Variants in GRIN2B observed in about 807,000 individuals in gnomAD.
GRIN2B encodes the protein glutamate receptor ionotropic, NMDA 2B.
GRIN2B carries 5 observed loss-of-function variants against 114.5 expected under a neutral mutation model. That is an observed-to-expected ratio of 0.04 (90% CI 0.02 to 0.09). The LOEUF is 0.09. Ranked by LOEUF, GRIN2B falls within the 10% of genes least tolerant of loss-of-function variation. GRIN2B has a pLI of 1.00. For synonymous variants in GRIN2B, 787 were observed against 745.1 expected (o/e 1.06, Z -0.92); for missense variants, 1,108 against 1,943.5 (o/e 0.57, Z 8.08).
intron 4 of GRIN2B, among the ~76,000 whole-genome samples, chr12:13,745,312 C>A (rs906864537): frequency 2.6e-5 from 4 of 152,072 alleles, no homozygotes; most frequent in African/African-American, 9.7e-5. Flanking sequence ...GAAGAGAGAG[C>A]AGATGGAGAA....
intron 10 of GRIN2B, among the ~76,000 whole-genome samples, chr12:13,583,837 G>A (rs1222586772): frequency 6.6e-6 from 1 of 152,116 alleles, no homozygotes. Flanking sequence ...ATCCCATGGA[G>A]CACACCGAAT....
At position 13,972,544 on chromosome 12, in the gene GRIN2B, T is replaced by C. The variant is rs111691485; in HGVS notation, c.-19+7384A>G. 3.4e-4 allele frequency among the ~76,000 whole-genome samples: 52 copies of C among 152,272 alleles called. 1 individual carries two copies. Among genetic ancestry groups the C allele is most frequent in the African/African-American group, 1.2e-3 (51 of 41,550 alleles). ...AAGAGAGAACTCCGGACTCTGATGC[T>C]ATGTAGATGAGCAAATGCACACCAC... On this transcript the variant is annotated intron_variant, in intron 2 of 13. Coordinates refer to ENST00000609686, the MANE Select transcript of GRIN2B (RefSeq NM_000834.5).
intron 10 of GRIN2B, among the ~76,000 whole-genome samples, chr12:13,580,588 G>T (rs1948834530): frequency 6.6e-6 from 1 of 152,174 alleles, no homozygotes; most frequent in African/African-American, 2.4e-5. Flanking sequence ...AATGGCTTTG[G>T]GCCTGGGCTA....
chr12:13,613,160 G>A (rs981374729), intron 8 of GRIN2B, among the ~76,000 whole-genome samples: 1 of 152,130 alleles, frequency 6.6e-6, no homozygotes, highest in Non-Finnish European at 1.5e-5. Flanking sequence ...CTCTCCAGAG[G>A]TGTGGAGAAA....
At chr12:13,706,740 T>C (rs1050923943) in intron 4 of GRIN2B, among the ~76,000 whole-genome samples, 3 of 152,098 alleles carry the variant, frequency 2.0e-5, no homozygotes, top group African/African-American at 7.2e-5. Context: ...ACTGTGTGAG[T>C]CCTGTTTGCC....
At position 13,646,356 on chromosome 12, in the gene GRIN2B, G is replaced by T. The variant is rs1949761689; in HGVS notation, c.1125+29389C>A. ...TGTGTCTCCCATATACAGGAATAAA[G>T]GCACTGACATTCCTTTTATGTTTTA... On this transcript the variant is annotated intron_variant, in intron 5 of 13. Transcript: ENST00000609686. 2.0e-5 allele frequency among the ~76,000 whole-genome samples: 3 copies of T among 151,998 alleles called. No homozygotes were observed. The South Asian group carries it at 6.2e-4, about 31-fold the overall frequency.
intron 3 of GRIN2B, among the ~76,000 whole-genome samples, chr12:13,822,954 A>G (rs1344338103): frequency 1.3e-5 from 2 of 152,074 alleles, no homozygotes; most frequent in Non-Finnish European, 2.9e-5. Flanking sequence ...TTCTTTTTCC[A>G]TTAAATTACT....
At chr12:13,592,370 G>T (rs1244912314) in intron 10 of GRIN2B, among the ~76,000 whole-genome samples, 1 of 152,180 alleles carries the variant, frequency 6.6e-6, no homozygotes, top group Non-Finnish European at 1.5e-5. Context: ...GAACCTATCT[G>T]CAGTAGCCTT....
chr12:13,864,856 C>A (rs1287626217), intron 3 of GRIN2B, among the ~76,000 whole-genome samples: 1 of 152,104 alleles, frequency 6.6e-6, no homozygotes, highest in African/African-American at 2.4e-5. Flanking sequence ...ACTCCCGAAG[C>A]CCAGGCCAAT....
chr12:13,925,793 C>T (rs1866901827), intron 2 of GRIN2B, among the ~76,000 whole-genome samples: 1 of 152,128 alleles, frequency 6.6e-6, no homozygotes, highest in South Asian at 2.1e-4. Flanking sequence ...AAAGTCAGCA[C>T]TAATGACCTG....
intron 12 of GRIN2B, among the ~76,000 whole-genome samples, chr12:13,568,452 A>G (rs1948668132): frequency 6.6e-6 from 1 of 152,198 alleles, no homozygotes; most frequent in African/African-American, 2.4e-5. Flanking sequence ...TTTGAGTGAC[A>G]GCTACACTAA....
rs1177255069 is a variant in GRIN2B, at chr12:13,541,739, GT to G, written c.*21043del. On this transcript the variant is annotated 3_prime_UTR_variant, in exon 14 of 14. Transcript: ENST00000609686. ...GGCTGAACCAGCAGCAGCAGTAGTT[GT>G]GATCTCATTCACACCCTGTTCAGGG... 6.6e-6 allele frequency: 1 copy of G among 152,222 alleles called. No individual in the cohort carries two copies. The highest frequency in any genetic ancestry group is 2.4e-5 in the African/African-American group (1 of 41,438). 9.4% of individuals were successfully genotyped at this position (152,222 alleles called of 1,614,324 possible). A position where few individuals can be genotyped will look rare whatever the true frequency, so the allele number is the denominator to read the frequency against.
chr12:13,941,453 T>C (rs2136836259), intron 2 of GRIN2B, among the ~76,000 whole-genome samples: 1 of 152,298 alleles, frequency 6.6e-6, no homozygotes, highest in Non-Finnish European at 1.5e-5. Flanking sequence ...ATCACAATGA[T>C]GCTCTGATTT....
At chr12:13,843,930 T>C (rs140075009) in intron 3 of GRIN2B, among the ~76,000 whole-genome samples, 21 of 152,330 alleles carry the variant, frequency 1.4e-4, no homozygotes, top group African/African-American at 4.6e-4. Context: ...TTAATACCAA[T>C]GTTATCAAAA....
rs758050194 is a variant in GRIN2B at position 13,611,803 on chromosome 12, T to C, written c.1702A>G (p.Ile568Val). The C allele has an allele frequency of 1.9e-6, 3 of 1,613,464 alleles. No homozygotes were observed. The highest frequency in any genetic ancestry group is 1.7e-5 in the Admixed American group (1 of 60,024). The change falls in exon 9 of 14, where the codon ATC (isoleucine) becomes GTC (valine). Residue 568 changes from isoleucine to valine, a missense_variant. Around this residue, in one of 19 missense-constraint regions of GRIN2B, gnomAD observed 24 missense variants for 38.1 expected, o/e 0.63. Coordinates refer to ENST00000609686, the MANE Select transcript of GRIN2B (RefSeq NM_000834.5). ...VWVMMFVMLL[I>V]VSAVAVFVFE... is the part of the protein sequence containing the mutation. ...ACAAAGACAGCCACGGCTGAGACGA[T>C]GAGCAGCATCACAAACATCATCACC...
Position 13,934,405 on chromosome 12 carries a change from G to A in GRIN2B, c.-19+45523C>T, listed in dbSNP as rs547759651. Reference sequence around the variant, plus strand: ...TTATTTCCTTTTCTTCACAAAATTCGTTAATGGTGGGATGTGACAGGCATT... The same window carrying A: ...TTATTTCCTTTTCTTCACAAAATTCATTAATGGTGGGATGTGACAGGCATT... On this transcript the variant is annotated intron_variant, in intron 2 of 13. Coordinates refer to ENST00000609686, the MANE Select transcript of GRIN2B (RefSeq NM_000834.5). Among the ~76,000 whole-genome samples, 35 of 152,266 alleles carry A rather than the reference G, an allele frequency of 2.3e-4. 2 individuals carry two copies. In the South Asian group the frequency reaches 5.4e-3, roughly 23 times the overall value.
At chr12:13,785,484 C>A (rs1218841097) in intron 3 of GRIN2B, among the ~76,000 whole-genome samples, 1 of 152,196 alleles carries the variant, frequency 6.6e-6, no homozygotes, top group Non-Finnish European at 1.5e-5. Context: ...CCCAGCCACC[C>A]CAGTCTGCCT....
At chr12:13,932,952 CGTGTGTGTGTGTGT>C (rs5796568) in intron 2 of GRIN2B, among the ~76,000 whole-genome samples, 2 of 148,696 alleles carry the variant, frequency 1.3e-5, no homozygotes, top group African/African-American at 5.0e-5. Context: ...AGGGCTTTGT[CGTGTGTGTGTGTGT>C]GTGTGTGTGT....
intron 12 of GRIN2B, among the ~76,000 whole-genome samples, chr12:13,567,840 A>T (rs1207719490): frequency 1.3e-5 from 2 of 152,118 alleles, no homozygotes; most frequent in East Asian, 3.9e-4. Context: ...TGAATAAAAA[A>T]GAGTGATGTA....
Sources: gnomAD v4.1 joint callset for allele counts (sites outside exome capture counted in the v4.1 genomes callset) on GRCh38, gnomAD v4.1.1 for gene constraint, gnomAD v4.1.1 regional missense constraint, MANE v1.5 for transcripts, NCBI Gene and HGNC (gene_info 2026-07-23, HGNC 2026-07-21) for gene names.